GUCY1A2: variants seen among roughly 807,000 people sequenced by gnomAD.
GUCY1A2 encodes guanylate cyclase soluble subunit alpha-2.
In GUCY1A2, 27 loss-of-function variants were observed where a neutral mutation model predicts 63.5. The ratio of observed to expected loss-of-function variants is 0.43; its 90% CI spans 0.31 to 0.59. GUCY1A2 has a LOEUF of 0.59. Ranked by LOEUF, GUCY1A2 falls within the 20% of genes least tolerant of loss-of-function variation. The probability of loss-of-function intolerance (pLI) is 0.11; values close to 1 mark genes in which losing one functional copy is unlikely to be tolerated. For synonymous variants in GUCY1A2, 364 were observed against 343.5 expected (o/e 1.06, Z -0.66); for missense variants, 768 against 913.3 (o/e 0.84, Z 2.05).
In GUCY1A2 at chr11:107,015,561, CAAAAAAAAAAAAAAAAAAAAA is replaced by C. The variant is rs568139219; in HGVS notation, c.303+2171_303+2191del. Among the ~76,000 whole-genome samples, 36 of 27,510 alleles carry C rather than the reference CAAAAAAAAAAAAAAAAAAAAA, an allele frequency of 1.3e-3. 1 individual carries two copies. Among genetic ancestry groups the C allele is most frequent in the Middle Eastern group, 0.029 (1 of 34 alleles). The allele number at this position is 27,510 out of a possible 152,430, so 18.0% of individuals were successfully genotyped here. A position where few individuals can be genotyped will look rare whatever the true frequency, so the allele number is the denominator to read the frequency against. On this transcript the variant is annotated intron_variant, in intron 1 of 7. Coordinates refer to ENST00000526355, the MANE Select transcript of GUCY1A2 (RefSeq NM_000855.3). ...TTAGAAATCTGTAAATTCTCTTAGGCAAAAAAAAAAAAAAAAAAAAAAAAAAAAAAAAAAAAACCTCCAAGG... is the reference window on the plus strand; with the variant it reads ...TTAGAAATCTGTAAATTCTCTTAGGCAAAAAAAAAAAAAAAACCTCCAAGG...
At chr11:106,822,590 C>T (rs1858917560) in intron 4 of GUCY1A2, among the ~76,000 whole-genome samples, 1 of 152,146 alleles carries the variant, frequency 6.6e-6, no homozygotes, top group Non-Finnish European at 1.5e-5. Flanking sequence ...ACGTTTAGCT[C>T]CTACTTATAA....
intron 6 of GUCY1A2, among the ~76,000 whole-genome samples, chr11:106,712,521 T>G (rs569418582): frequency 6.6e-6 from 1 of 151,546 alleles, no homozygotes; most frequent in Admixed American, 6.6e-5. Context: ...ATGTCTCAGA[T>G]TTTCTTTATG....
In GUCY1A2 at chr11:106,716,794, AGAT is replaced by A. The variant is rs376670799; in HGVS notation, c.1837-8131_1837-8129del. Among the ~76,000 whole-genome samples, 80 of 117,090 alleles carry A rather than the reference AGAT, an allele frequency of 6.8e-4. 2 individuals carry two copies. Among genetic ancestry groups the A allele is most frequent in the African/African-American group, 2.6e-3 (70 of 27,156 alleles). The allele number at this position is 117,090 out of a possible 152,430, so 76.8% of individuals were successfully genotyped here. A position where few individuals can be genotyped will look rare whatever the true frequency, so the allele number is the denominator to read the frequency against. ...AAAAAAAAAAAAAAAAAAAAAAAAA[AGAT>A]AAGAGTAAATCTCAGGAATTATAAG... On this transcript the variant is annotated intron_variant, in intron 6 of 7. Transcript: ENST00000526355.
chr11:106,761,937 G>A (rs1864073240), intron 6 of GUCY1A2, among the ~76,000 whole-genome samples: 1 of 152,092 alleles, frequency 6.6e-6, no homozygotes, highest in African/African-American at 2.4e-5. Flanking sequence ...TTTTAATATA[G>A]CACAGGATGC....
At chr11:106,811,278 G>A (rs1858758887) in intron 4 of GUCY1A2, among the ~76,000 whole-genome samples, 1 of 152,052 alleles carries the variant, frequency 6.6e-6, no homozygotes, top group Non-Finnish European at 1.5e-5. Context: ...CTTATGCCCA[G>A]TAGCCTAATG....
intron 3 of GUCY1A2, among the ~76,000 whole-genome samples, chr11:106,944,714 T>C (rs1400462482): frequency 6.6e-6 from 1 of 152,118 alleles, no homozygotes; most frequent in Non-Finnish European, 1.5e-5. Context: ...ATGAGAAATG[T>C]GGTATAATGA....
Position 106,776,460 on chromosome 11 carries a change from T to G in GUCY1A2, c.1815A>C (p.Thr605=), listed in dbSNP as rs564745275. ...KMMELSEEVL[T]PDGRPIQMRI... Reference sequence around the variant, plus strand: ...TTACCTGAATCGGTCTTCCATCAGGTGTCAGCACCTCTTCTGAAAGTTCCA... The same window carrying G: ...TTACCTGAATCGGTCTTCCATCAGGGGTCAGCACCTCTTCTGAAAGTTCCA... Residue 605 remains threonine, a synonymous_variant, in exon 6 of 8, where the codon ACA becomes ACC. Coordinates refer to ENST00000526355, the MANE Select transcript of GUCY1A2 (RefSeq NM_000855.3). 3.5e-5 allele frequency: 57 copies of G among 1,613,828 alleles called. No individual in the cohort carries two copies. In the Admixed American group the frequency reaches 9.5e-4, roughly 27 times the overall value.
At chr11:106,798,724 C>G (rs1864813541) in intron 5 of GUCY1A2, among the ~76,000 whole-genome samples, 1 of 152,090 alleles carries the variant, frequency 6.6e-6, no homozygotes, top group Non-Finnish European at 1.5e-5. Context: ...GCCCTTCATG[C>G]TAAAAACTCT....
chr11:106,761,981 A>G (rs1864074195), intron 6 of GUCY1A2, among the ~76,000 whole-genome samples: 1 of 152,170 alleles, frequency 6.6e-6, no homozygotes, highest in South Asian at 2.1e-4. Flanking sequence ...ATCACTAATC[A>G]TAACCTCATA....
intron 4 of GUCY1A2, among the ~76,000 whole-genome samples, chr11:106,923,564 G>T (rs769704160): frequency 3.9e-5 from 6 of 151,982 alleles, no homozygotes; most frequent in Non-Finnish European, 7.4e-5. Context: ...TTATGTACAA[G>T]TTTAATGCAA....
chr11:106,688,949 G>A (rs1862574489), intron 7 of GUCY1A2, among the ~76,000 whole-genome samples: 1 of 152,156 alleles, frequency 6.6e-6, no homozygotes, highest in African/African-American at 2.4e-5. Context: ...AAGTTTTAAA[G>A]CCCTAAACTA....
At position 106,881,121 on chromosome 11, in the gene GUCY1A2, T is replaced by C. The variant is rs1262855977; in HGVS notation, c.1206+58339A>G. Reference sequence around the variant, plus strand: ...TAACCTAATTGTCCAGTGGTTTGGATTGTGTTCAGACAGTGAACAACTAAT... The same window carrying C: ...TAACCTAATTGTCCAGTGGTTTGGACTGTGTTCAGACAGTGAACAACTAAT... On this transcript the variant is annotated intron_variant, in intron 4 of 7. Coordinates refer to ENST00000526355, the MANE Select transcript of GUCY1A2 (RefSeq NM_000855.3). Among the ~76,000 whole-genome samples, 6 of 152,136 alleles carry C rather than the reference T, an allele frequency of 3.9e-5. No homozygotes were observed. The East Asian group carries it at 1.2e-3, about 29-fold the overall frequency.
At chr11:106,908,465 G>GA (rs1253972213) in intron 4 of GUCY1A2, among the ~76,000 whole-genome samples, 2 of 151,834 alleles carry the variant, frequency 1.3e-5, no homozygotes, top group Non-Finnish European at 2.9e-5. Flanking sequence ...ATTTTACAAG[G>GA]ATATACCTAT....
At chr11:106,929,134 C>A (rs1291858426) in intron 4 of GUCY1A2, among the ~76,000 whole-genome samples, 1 of 152,072 alleles carries the variant, frequency 6.6e-6, no homozygotes, top group African/African-American at 2.4e-5. Context: ...TAACTCATAG[C>A]CTAATTACTT....
chr11:106,939,694 A>G lies in GUCY1A2; in HGVS notation c.972T>C (p.Cys324=). 2 of 1,613,966 alleles carry G rather than the reference A, an allele frequency of 1.2e-6. No individual in the cohort carries two copies. The highest frequency in any genetic ancestry group is 4.5e-5 in the East Asian group (2 of 44,880). ...ACATCAAGTGGAAAGGGAAGGCTCT[A>G]CAGAAGGTGTTGATGCTAATTCTGA... ...ADLRISINTF[C]RAFPFHLMFD... Residue 324 remains cysteine (C), a synonymous_variant, in exon 4 of 8, where the codon TGT becomes TGC. Transcript: ENST00000526355.
At chr11:106,912,385 G>A (rs896003805) in intron 4 of GUCY1A2, among the ~76,000 whole-genome samples, 1 of 152,008 alleles carries the variant, frequency 6.6e-6, no homozygotes, top group East Asian at 1.9e-4. Flanking sequence ...AATCTATGGA[G>A]AAAAGGCCAA....
chr11:106,864,222 A>G (rs1375259239), intron 4 of GUCY1A2, among the ~76,000 whole-genome samples: 2 of 115,396 alleles, frequency 1.7e-5, no homozygotes, highest in Admixed American at 1.6e-4. Context: ...AATAATAATA[A>G]GAAGAAGAAG....
intron 4 of GUCY1A2, among the ~76,000 whole-genome samples, chr11:106,917,949 A>T (rs1311848285): frequency 6.9e-6 from 1 of 144,216 alleles, no homozygotes. Context: ...ATAAAAAAAA[A>T]AAAAAGAAAT....
chr11:106,786,917 G>A (rs1864565442), intron 5 of GUCY1A2, among the ~76,000 whole-genome samples: 1 of 151,990 alleles, frequency 6.6e-6, no homozygotes, highest in African/African-American at 2.4e-5. Context: ...ATTTTTCAAG[G>A]ATTTCTGATT....
Sources: allele counts gnomAD v4.1 joint callset (sites outside exome capture counted in the v4.1 genomes callset), GRCh38; gene constraint gnomAD v4.1.1; transcripts MANE v1.5; gene names NCBI Gene and HGNC (gene_info 2026-07-23, HGNC 2026-07-21).